Variants in COL23A1 observed in about 807,000 individuals in gnomAD.
COL23A1 encodes collagen alpha-1(XXIII) chain.
A neutral mutation model predicts 99.3 loss-of-function variants in COL23A1; 97 were observed. The ratio of observed to expected loss-of-function variants is 0.98; its 90% CI spans 0.83 to 1.16. The LOEUF is 1.16. COL23A1 is among the 50% of genes most tolerant of loss of function. The pLI, the probability that COL23A1 is intolerant of heterozygous loss-of-function variation, is 0.00. For missense variants in COL23A1, 762 were observed against 757.4 expected (o/e 1.01, Z -0.07); for synonymous variants, 320 against 308.2 (o/e 1.04, Z -0.40).
chr5:178,336,318 G>C (rs1050163977), intron 2 of COL23A1, among the ~76,000 whole-genome samples: 2 of 152,172 alleles, frequency 1.3e-5, no homozygotes, highest in African/African-American at 2.4e-5. Context: ...CACAACAGCC[G>C]AAAGGCAGAA....
intron 1 of COL23A1, among the ~76,000 whole-genome samples, chr5:178,563,396 G>A (rs1762698060): frequency 6.6e-6 from 1 of 152,158 alleles, no homozygotes; most frequent in Non-Finnish European, 1.5e-5. Context: ...ACTCCCAGCA[G>A]GGCTGCCTGG....
intron 2 of COL23A1, among the ~76,000 whole-genome samples, chr5:178,360,969 T>A (rs896001802): frequency 6.6e-6 from 1 of 152,186 alleles, no homozygotes; most frequent in Admixed American, 6.5e-5. Context: ...GACATTCGGC[T>A]TTGGACTTGG....
intron 2 of COL23A1, among the ~76,000 whole-genome samples, chr5:178,390,596 A>G (rs1191143121): frequency 2.6e-5 from 4 of 152,214 alleles, no homozygotes; most frequent in Non-Finnish European, 5.9e-5. Flanking sequence ...GTTACCAAGC[A>G]CCTGTCATGG....
intron 2 of COL23A1, among the ~76,000 whole-genome samples, chr5:178,391,408 A>C (rs1763956091): frequency 6.6e-6 from 1 of 152,268 alleles, no homozygotes; most frequent in African/African-American, 2.4e-5. Flanking sequence ...TAAAAAGACA[A>C]ATAGGCAGAG....
At chr5:178,247,695 C>T in intron 21 of COL23A1, 80 bp downstream of exon 21, 1 of 1,552,620 alleles carries the variant, frequency 6.4e-7, no homozygotes. Context: ...TCTCCTGGGT[C>T]ATGGCTCTGG....
At chr5:178,249,331 G>A (rs1316442304) in intron 18 of COL23A1, 125 bp from the exon 19 acceptor site, 2 of 901,448 alleles carry the variant, frequency 2.2e-6, no homozygotes, top group African/African-American at 3.3e-5. Flanking sequence ...CCCACCTCCA[G>A]CCACAGTGGC....
chr5:178,326,788 C>T lies in COL23A1; in HGVS notation c.362-19869G>A, dbSNP rs148515901. Among the ~76,000 whole-genome samples the T allele has an allele frequency of 4.3e-3, 657 of 152,296 alleles. 30 individuals carry two copies. The East Asian group carries it at 0.091, about 21-fold the overall frequency. On this transcript the variant is annotated intron_variant, in intron 2 of 28. Transcript: ENST00000390654. The stretch of plus-strand genomic sequence containing the variant: ...AGGCTGGAGTGCAGTGGCGCGATTT[C>T]GGCTCACTGCAACCTCTGCCTCCTG...
intron 10 of COL23A1, 24 bp downstream of exon 10, chr5:178,262,193 C>T (rs1207758952): frequency 1.1e-5 from 18 of 1,573,884 alleles, no homozygotes; most frequent in Non-Finnish European, 1.5e-5. Flanking sequence ...CAGCCCAGGC[C>T]TCTGGAATGC....
chr5:178,527,172 G>C (rs1760354925), intron 2 of COL23A1, among the ~76,000 whole-genome samples: 1 of 152,088 alleles, frequency 6.6e-6, no homozygotes, highest in Non-Finnish European at 1.5e-5. Context: ...GAGGCAGCAA[G>C]GCGGGGGGCC....
At chr5:178,361,605 A>G (rs1762178932) in intron 2 of COL23A1, among the ~76,000 whole-genome samples, 1 of 151,302 alleles carries the variant, frequency 6.6e-6, no homozygotes, top group Non-Finnish European at 1.5e-5. Context: ...ACACCCCCCT[A>G]CAGGACTCAT....
intron 2 of COL23A1, among the ~76,000 whole-genome samples, chr5:178,480,120 C>T (rs1466812912): frequency 6.7e-6 from 1 of 150,312 alleles, no homozygotes; most frequent in Non-Finnish European, 1.5e-5. Context: ...CAACATGTTA[C>T]TCTGTGGTGC....
chr5:178,245,564 A>G (rs949747119), intron 25 of COL23A1, among the ~76,000 whole-genome samples: 1 of 141,924 alleles, frequency 7.0e-6, no homozygotes, highest in African/African-American at 2.7e-5. Context: ...CCATCCATCC[A>G]TTCACCCATC....
At chr5:178,311,484 C>CTCTG (rs1758665795) in intron 2 of COL23A1, among the ~76,000 whole-genome samples, 1 of 58,128 alleles carries the variant, frequency 1.7e-5, no homozygotes, top group Admixed American at 1.4e-4. Context: ...GTTCTTTCCT[C>CTCTG]TGTGTGTGTG....
At chr5:178,329,364 A>G (rs1318647697) in intron 2 of COL23A1, among the ~76,000 whole-genome samples, 1 of 152,148 alleles carries the variant, frequency 6.6e-6, no homozygotes, top group Admixed American at 6.6e-5. Context: ...CCAGATGAAG[A>G]GAGTGGGGCC....
chr5:178,457,754 T>C (rs946093719), intron 2 of COL23A1, among the ~76,000 whole-genome samples: 3 of 152,206 alleles, frequency 2.0e-5, no homozygotes, highest in African/African-American at 7.2e-5. Context: ...TATCATGGAA[T>C]AAAGCAAGTG....
chr5:178,337,034 C>A (rs545791617), intron 2 of COL23A1, among the ~76,000 whole-genome samples: 269 of 152,332 alleles, frequency 1.8e-3, no homozygotes, highest in Middle Eastern at 6.8e-3. Flanking sequence ...ACAGGGATCA[C>A]GCAGATCTCT....
intron 2 of COL23A1, among the ~76,000 whole-genome samples, chr5:178,484,852 AG>A (rs1458415828): frequency 6.8e-6 from 1 of 147,812 alleles, no homozygotes; most frequent in Non-Finnish European, 1.5e-5. Flanking sequence ...AAGAGCAGTG[AG>A]GCCAGACACA....
rs562202230 is a variant in COL23A1, at chr5:178,239,260, A to C, written c.1582-81T>G. 2.7e-6 allele frequency: 4 copies of C among 1,502,330 alleles called. No individual in the cohort carries two copies. In the African/African-American group the frequency reaches 4.1e-5, roughly 15 times the overall value. The allele number at this position is 1,502,330 out of a possible 1,614,324, so 93.1% of individuals were successfully genotyped here. On this transcript the variant is annotated intron_variant, in intron 27 of 28. Transcript: ENST00000390654. ...CCCCACATGCCCTCCCCTGGTCTGT[A>C]GGGAGGTGCAGGCCAGGGAGCGGCC... is the stretch of plus-strand genomic sequence containing the variant.
At chr5:178,394,027 C>A (rs1764102087) in intron 2 of COL23A1, among the ~76,000 whole-genome samples, 1 of 152,208 alleles carries the variant, frequency 6.6e-6, no homozygotes, top group African/African-American at 2.4e-5. Flanking sequence ...TGGGACATAA[C>A]CCCTTGGTCC....
Sources: gnomAD v4.1 joint callset for allele counts (sites outside exome capture counted in the v4.1 genomes callset) on GRCh38, gnomAD v4.1.1 for gene constraint, MANE v1.5 for transcripts, NCBI Gene and HGNC (gene_info 2026-07-23, HGNC 2026-07-21) for gene names.